The following PCDH15 variants were observed in gnomAD, a reference collection of about 807,000 sequenced individuals.
PCDH15 encodes the protein protocadherin-15.
PCDH15 carries 129 observed loss-of-function variants against 178.5 expected under a neutral mutation model. The observed-to-expected ratio is 0.72, with a 90% confidence interval of 0.63 to 0.84. PCDH15 has a LOEUF of 0.84. Ranked by LOEUF, PCDH15 falls within the 40% of genes least tolerant of loss-of-function variation. PCDH15 has a pLI of 0.00. For synonymous variants in PCDH15, 800 were observed against 732.0 expected (o/e 1.09, Z -1.50); for missense variants, 2,230 against 2,099.9 (o/e 1.06, Z -1.21).
chr10:53,809,437 G>GT (rs1564512560), intron 37 of PCDH15: 3 of 1,613,962 alleles, frequency 1.9e-6, no homozygotes, highest in Non-Finnish European at 8.5e-7. Flanking sequence ...CTTCCATGTT[G>GT]TGTATGTAGG....
At chr10:54,967,209 T>C in intron 2 of PCDH15, among the ~76,000 whole-genome samples, 1 of 152,178 alleles carries the variant, frequency 6.6e-6, no homozygotes, top group East Asian at 1.9e-4. Flanking sequence ...TGAGCTCCAC[T>C]ATAATCTTAT....
chr10:55,160,500 C>T (rs552005744), intron 2 of PCDH15, among the ~76,000 whole-genome samples: 1 of 151,950 alleles, frequency 6.6e-6, no homozygotes, highest in Non-Finnish European at 1.5e-5. Context: ...TATGTCACTG[C>T]TTAGGACAGA....
At chr10:55,386,811 A>G (rs1247678797) in intron 2 of PCDH15, among the ~76,000 whole-genome samples, 1 of 152,148 alleles carries the variant, frequency 6.6e-6, no homozygotes. Context: ...CAAACATTGA[A>G]GTGGTATGTA....
At chr10:54,833,089 T>C (rs1295073193) in intron 3 of PCDH15, among the ~76,000 whole-genome samples, 3 of 152,152 alleles carry the variant, frequency 2.0e-5, no homozygotes, top group African/African-American at 7.2e-5. Context: ...GTTATCTAAT[T>C]TAATTCCATC....
chr10:54,194,697 T>C (rs2049412048), intron 11 of PCDH15, among the ~76,000 whole-genome samples: 2 of 151,654 alleles, frequency 1.3e-5, no homozygotes, highest in African/African-American at 2.4e-5. Flanking sequence ...TCTATATCTG[T>C]ATGTGTATGT....
intron 2 of PCDH15, among the ~76,000 whole-genome samples, chr10:54,596,937 A>T (rs1364093036): frequency 6.6e-6 from 1 of 152,178 alleles, no homozygotes; most frequent in Non-Finnish European, 1.5e-5. Context: ...AAACATTCAG[A>T]TTTATAAACC....
chr10:55,343,987 A>T (rs950877782), intron 2 of PCDH15, among the ~76,000 whole-genome samples: 9 of 152,150 alleles, frequency 5.9e-5, no homozygotes, highest in African/African-American at 1.9e-4. Flanking sequence ...GGTGATAAAG[A>T]GGAGGTGTTA....
At position 54,628,885 on chromosome 10, in the gene PCDH15, G is replaced by A. The variant is rs557896970; in HGVS notation, c.91+35287C>T. ...GTTCTTTGATTTCTCCTTTGCTTTC[G>A]TTAGGAATGGCCTATATTTGGTACA... On this transcript the variant is annotated intron_variant, in intron 2 of 37. Coordinates refer to ENST00000644397, the MANE Select transcript of PCDH15 (RefSeq NM_001384140.1). Among the ~76,000 whole-genome samples, 16 of 151,942 alleles carry A rather than the reference G, an allele frequency of 1.1e-4. 1 individual carries two copies. Among genetic ancestry groups the A allele is most frequent in the Admixed American group, 2.0e-4 (3 of 15,236 alleles).
chr10:54,077,193 T>C (rs906867537), intron 17 of PCDH15, among the ~76,000 whole-genome samples: 2 of 152,004 alleles, frequency 1.3e-5, no homozygotes, highest in Non-Finnish European at 2.9e-5. Flanking sequence ...GAACACAAAA[T>C]TTACTCAGAA....
At chr10:54,762,980 A>G (rs1948077000) in intron 1 of PCDH15, among the ~76,000 whole-genome samples, 2 of 152,178 alleles carry the variant, frequency 1.3e-5, no homozygotes, top group Admixed American at 6.5e-5. Flanking sequence ...TTGTGTCACA[A>G]TTTAAATTCA....
chr10:54,718,379 G>A (rs67590836), intron 1 of PCDH15, among the ~76,000 whole-genome samples: 18,483 of 152,068 alleles, frequency 0.12, 1,256 homozygotes, highest in African/African-American at 0.17. Context: ...GAAGCATTGA[G>A]CCTGCTCACA....
chr10:55,165,302 A>T (rs1285775687), intron 2 of PCDH15, among the ~76,000 whole-genome samples: 1 of 152,010 alleles, frequency 6.6e-6, no homozygotes, highest in Non-Finnish European at 1.5e-5. Context: ...ATATATGAGG[A>T]ATAAAATTAT....
At chr10:54,250,267 CTTTTT>C (rs765895227) in intron 8 of PCDH15, among the ~76,000 whole-genome samples, 25 of 84,074 alleles carry the variant, frequency 3.0e-4, no homozygotes, top group African/African-American at 1.1e-3. Flanking sequence ...TATGCTATTA[CTTTTT>C]TTTTTTTTTT....
At chr10:55,504,791 TTC>T (rs1160075705) in intron 2 of PCDH15, among the ~76,000 whole-genome samples, 1 of 151,414 alleles carries the variant, frequency 6.6e-6, no homozygotes, top group Non-Finnish European at 1.5e-5. Flanking sequence ...AACAAATATT[TTC>T]TGTTTTATCA....
At chr10:54,462,516 T>TTC (rs2077247712) in intron 3 of PCDH15, among the ~76,000 whole-genome samples, 1 of 118,584 alleles carries the variant, frequency 8.4e-6, no homozygotes, top group African/African-American at 3.5e-5. Flanking sequence ...TCTTTTCTTT[T>TTC]TTTTTTTTTT....
chr10:54,718,349 C>T (rs1001334313), intron 1 of PCDH15, among the ~76,000 whole-genome samples: 1 of 152,054 alleles, frequency 6.6e-6, no homozygotes, highest in African/African-American at 2.4e-5. Flanking sequence ...CCTGAGATCT[C>T]CATGATTCCA....
At chr10:54,506,858 A>T in intron 3 of PCDH15, among the ~76,000 whole-genome samples, 1 of 152,080 alleles carries the variant, frequency 6.6e-6, no homozygotes, top group East Asian at 1.9e-4. Flanking sequence ...TGAAGGTACC[A>T]GGACAGAATA....
intron 1 of PCDH15, among the ~76,000 whole-genome samples, chr10:54,758,195 T>C (rs1283764971): frequency 2.6e-5 from 4 of 152,208 alleles, no homozygotes; most frequent in Non-Finnish European, 4.4e-5. Context: ...ACAGATGGTT[T>C]CCAACTTTAA....
chr10:55,266,859 T>C (rs1842311807), intron 1 of PCDH15, among the ~76,000 whole-genome samples: 2 of 152,144 alleles, frequency 1.3e-5, no homozygotes, highest in Admixed American at 1.3e-4. Context: ...GAGGATCTAA[T>C]TGAGATGACT....
Sources: gnomAD v4.1 joint callset for allele counts (sites outside exome capture counted in the v4.1 genomes callset) on GRCh38, gnomAD v4.1.1 for gene constraint, MANE v1.5 for transcripts, NCBI Gene and HGNC (gene_info 2026-07-23, HGNC 2026-07-21) for gene names.